The following HERC3 variants were observed in gnomAD, a reference collection of about 807,000 sequenced individuals.
HERC3 encodes probable E3 ubiquitin-protein ligase HERC3.
HERC3 carries 58 observed loss-of-function variants against 129.9 expected under a neutral mutation model. The observed-to-expected ratio is 0.45, with a 90% CI of 0.36 to 0.56. The LOEUF (loss-of-function observed/expected upper bound fraction) is 0.56. HERC3 is among the 20% of genes least tolerant of loss of function. The pLI is 0.00. For missense variants in HERC3, 835 were observed against 1,244.2 expected (o/e 0.67, Z 4.95); for synonymous variants, 430 against 451.0 (o/e 0.95, Z 0.59).
At chr4:88,546,251 A>G in the HERC3 span, among the ~76,000 whole-genome samples, 6 of 152,202 alleles carry the variant, frequency 3.9e-5, no homozygotes, top group Non-Finnish European at 8.8e-5. Flanking sequence ...AAGTTGCACC[A>G]GCTAGGATAT....
chr4:88,535,994 G>T, the HERC3 span, among the ~76,000 whole-genome samples: 1 of 152,142 alleles, frequency 6.6e-6, no homozygotes, highest in Non-Finnish European at 1.5e-5. Flanking sequence ...ATCTCATGGG[G>T]CTAGGATGAC....
intron 19 of HERC3, among the ~76,000 whole-genome samples, chr4:88,679,251 T>C (rs939534863): frequency 6.6e-6 from 1 of 152,222 alleles, no homozygotes; most frequent in African/African-American, 2.4e-5. Context: ...AACCATTATG[T>C]ATCCATCATG....
chr4:88,558,337 A>G, the HERC3 span, among the ~76,000 whole-genome samples: 1 of 152,300 alleles, frequency 6.6e-6, no homozygotes, highest in South Asian at 2.1e-4. Context: ...AGAATGAAAT[A>G]ATGTCTTTTG....
In HERC3 at chr4:88,708,120, T is replaced by C. The variant is rs1285112018; in HGVS notation, c.*1160T>C. 1.3e-5 allele frequency: 2 copies of C among 152,594 alleles called. No homozygotes were observed. The highest frequency in any genetic ancestry group is 2.9e-5 in the Non-Finnish European group (2 of 68,038). The allele number at this position is 152,594 out of a possible 1,614,324, so 9.5% of individuals were successfully genotyped here. A position where few individuals can be genotyped will look rare whatever the true frequency, so the allele number is the denominator to read the frequency against. Reference sequence around the variant, plus strand: ...AAGGACGTTCTTTATTATGAAACTTTATCACATTCGAAATGTTTGTTTACA... The same window carrying C: ...AAGGACGTTCTTTATTATGAAACTTCATCACATTCGAAATGTTTGTTTACA... On this transcript the variant is annotated 3_prime_UTR_variant, in exon 26 of 26. Transcript: ENST00000402738.
At chr4:88,617,323 A>G (rs112199181) in intron 3 of HERC3, among the ~76,000 whole-genome samples, 1 of 152,070 alleles carries the variant, frequency 6.6e-6, no homozygotes, top group Non-Finnish European at 1.5e-5. Context: ...TCTTCTTTTC[A>G]AAGTCATACT....
intron 5 of HERC3, 96 bp from the exon 6 acceptor site, chr4:88,652,773 T>TG (rs1392514896): frequency 3.0e-6 from 4 of 1,314,900 alleles, no homozygotes; most frequent in Non-Finnish European, 1.0e-6. Flanking sequence ...GGTTTGGTGT[T>TG]GGGGGGCAAC....
chr4:88,639,937 C>T (rs1480748864), intron 3 of HERC3, among the ~76,000 whole-genome samples: 1 of 151,992 alleles, frequency 6.6e-6, no homozygotes, highest in East Asian at 1.9e-4. Flanking sequence ...ACAGACAATT[C>T]AGTAAGGAAG....
the HERC3 span, among the ~76,000 whole-genome samples, chr4:88,553,394 AAAC>A: frequency 6.6e-6 from 1 of 152,318 alleles, no homozygotes; most frequent in East Asian, 1.9e-4. Flanking sequence ...TGTTGCTTGT[AAAC>A]AACAGAGTTG....
chr4:88,573,047 C>A, the HERC3 span, among the ~76,000 whole-genome samples: 1 of 152,148 alleles, frequency 6.6e-6, no homozygotes, highest in Non-Finnish European at 1.5e-5. Context: ...AAAGTATTCA[C>A]TGGATTTTAA....
chr4:88,606,015 G>T lies in HERC3; in HGVS notation c.192G>T (p.Gly64=), dbSNP rs762591545. The part of the protein sequence containing the change: ...EVYTCGLNTK[G]QLGHEREGNK... The stretch of plus-strand genomic sequence containing the variant: ...ACACATGTGGTTTGAACACCAAGGG[G>T]CAACTGGGCCATGAGAGGGAAGGAA... Residue 64 remains glycine (G), a synonymous_variant, in exon 3 of 26, where the codon GGG becomes GGT. Coordinates refer to ENST00000402738, the MANE Select transcript of HERC3 (RefSeq NM_014606.3). 2.9e-5 allele frequency: 46 copies of T among 1,613,900 alleles called. No individual in the cohort carries two copies. The highest frequency in any genetic ancestry group is 3.8e-5 in the Non-Finnish European group (45 of 1,179,946).
rs539617334 is a variant in HERC3, at chr4:88,707,366, A to G, written c.*406A>G. 1.5e-5 allele frequency: 3 copies of G among 196,290 alleles called. No homozygotes were observed. In the South Asian group the frequency reaches 2.6e-4, roughly 17 times the overall value. The allele number at this position is 196,290 out of a possible 1,614,324, so 12.2% of individuals were successfully genotyped here. The stretch of plus-strand genomic sequence containing the variant: ...TCTCTTAACTTCTCATTCCTCTATA[A>G]GAATGATTTAGACTGACCTGTCCTT... On this transcript the variant is annotated 3_prime_UTR_variant, in exon 26 of 26. Coordinates refer to ENST00000402738, the MANE Select transcript of HERC3 (RefSeq NM_014606.3).
At chr4:88,568,853 T>A in the HERC3 span, among the ~76,000 whole-genome samples, 2 of 151,844 alleles carry the variant, frequency 1.3e-5, no homozygotes, top group African/African-American at 4.8e-5. Context: ...CAAAGTCCTA[T>A]CTACTCTCCC....
chr4:88,568,509 A>C, the HERC3 span, among the ~76,000 whole-genome samples: 1 of 151,274 alleles, frequency 6.6e-6, no homozygotes, highest in Admixed American at 6.6e-5. Context: ...AGTCCTTCTC[A>C]CTCTTCTTTT....
In HERC3 at chr4:88,605,706, T is replaced by A. The variant is rs941278160; in HGVS notation, c.-29-89T>A. ...ATCTGAAGAATATTAAGGGGAGGGT[T>A]ATTTTTAAAATTGGTTACATTCATT... On this transcript the variant is annotated intron_variant, in intron 2 of 25. Transcript: ENST00000402738. 10 of 695,644 alleles carry A rather than the reference T, an allele frequency of 1.4e-5. No homozygotes were observed. The African/African-American group carries it at 1.8e-4, about 12-fold the overall frequency. 43.1% of individuals were successfully genotyped at this position (695,644 alleles called of 1,614,324 possible).
chr4:88,660,450 C>G (rs112871646), intron 10 of HERC3, among the ~76,000 whole-genome samples: 2 of 152,090 alleles, frequency 1.3e-5, no homozygotes, highest in African/African-American at 4.8e-5. Context: ...GTGATCTACC[C>G]TCCTCGGCCT....
intron 3 of HERC3, among the ~76,000 whole-genome samples, chr4:88,634,854 GA>G (rs1232178478): frequency 1.3e-5 from 2 of 152,144 alleles, no homozygotes; most frequent in Non-Finnish European, 2.9e-5. Context: ...CCAGATGCAG[GA>G]GTGAACCAGA....
intron 3 of HERC3, among the ~76,000 whole-genome samples, chr4:88,623,704 T>A (rs1016638579): frequency 6.6e-6 from 1 of 152,230 alleles, no homozygotes; most frequent in Admixed American, 6.5e-5. Context: ...CCACATGTTA[T>A]TTATCTTTTC....
At chr4:88,600,202 G>C (rs989668648) in intron 2 of HERC3, among the ~76,000 whole-genome samples, 9 of 152,216 alleles carry the variant, frequency 5.9e-5, no homozygotes, top group South Asian at 4.1e-4. Context: ...TATTGCAAGT[G>C]AAAGAAACCT....
At chr4:88,529,963 T>C in the HERC3 span, among the ~76,000 whole-genome samples, 536 of 152,222 alleles carry the variant, frequency 3.5e-3, 3 homozygotes, top group African/African-American at 0.012. Flanking sequence ...CAGATTATAT[T>C]AGGAGGTGGA....
Sources: gnomAD v4.1 joint callset for allele counts (sites outside exome capture counted in the v4.1 genomes callset) on GRCh38, gnomAD v4.1.1 for gene constraint, MANE v1.5 for transcripts, NCBI Gene and HGNC (gene_info 2026-07-23, HGNC 2026-07-21) for gene names.